The following ERC2 variants were observed in gnomAD, a reference collection of about 807,000 sequenced individuals.
ERC2 encodes the protein ELKS/RAB6-interacting/CAST family member 2.
Under a neutral mutation model 114.8 loss-of-function variants are expected in ERC2, and 42 were observed. The observed-to-expected ratio is 0.37, with a 90% confidence interval of 0.29 to 0.47. The LOEUF is 0.47. Ranked by LOEUF, ERC2 falls within the 20% of genes least tolerant of loss-of-function variation. The pLI, the probability that ERC2 is intolerant of heterozygous loss-of-function variation, is 0.99. For synonymous variants in ERC2, 454 were observed against 425.5 expected (o/e 1.07, Z -0.82); for missense variants, 939 against 1,150.7 (o/e 0.82, Z 2.66).
intron 1 of ERC2, among the ~76,000 whole-genome samples, chr3:56,455,238 T>A (rs2063011915): frequency 6.6e-6 from 1 of 150,536 alleles, no homozygotes; most frequent in Non-Finnish European, 1.5e-5. Flanking sequence ...AAAATAAAAA[T>A]AATTAAAATA....
At chr3:55,659,783 A>T (rs1489863990) in intron 17 of ERC2, among the ~76,000 whole-genome samples, 2 of 152,056 alleles carry the variant, frequency 1.3e-5, no homozygotes, top group Non-Finnish European at 2.9e-5. Context: ...TCAGATCTAC[A>T]TCATGACATC....
chr3:55,603,626 G>A (rs1283013439), intron 17 of ERC2, among the ~76,000 whole-genome samples: 8 of 148,570 alleles, frequency 5.4e-5, no homozygotes, highest in Non-Finnish European at 8.9e-5. Context: ...CCTGGGTGAC[G>A]GAGTGAGACT....
At chr3:56,359,187 G>A (rs2058854225) in intron 2 of ERC2, among the ~76,000 whole-genome samples, 1 of 152,170 alleles carries the variant, frequency 6.6e-6, no homozygotes, top group African/African-American at 2.4e-5. Context: ...GTCTATCACA[G>A]AACAACTGTC....
chr3:55,792,122 C>A (rs2070085529), intron 14 of ERC2, among the ~76,000 whole-genome samples: 2 of 152,178 alleles, frequency 1.3e-5, no homozygotes, highest in Admixed American at 1.3e-4. Flanking sequence ...CAGACTATAA[C>A]AGACTATAAT....
At chr3:55,737,299 G>A (rs2065694455) in intron 14 of ERC2, among the ~76,000 whole-genome samples, 2 of 152,314 alleles carry the variant, frequency 1.3e-5, no homozygotes, top group South Asian at 4.1e-4. Context: ...TTTTCCAGAA[G>A]AAAAGCAGTG....
intron 17 of ERC2, among the ~76,000 whole-genome samples, chr3:55,571,057 G>A (rs564288761): frequency 3.4e-5 from 5 of 148,088 alleles, no homozygotes; most frequent in African/African-American, 1.2e-4. Flanking sequence ...GAACCCAGGA[G>A]GTAGAGGTTG....
intron 10 of ERC2, among the ~76,000 whole-genome samples, chr3:56,004,983 TGG>T (rs1257808287): frequency 6.6e-6 from 1 of 151,806 alleles, no homozygotes; most frequent in Non-Finnish European, 1.5e-5. Flanking sequence ...TTTAAGGTGA[TGG>T]GTATTTGAGG....
At chr3:55,895,490 G>T (rs2063799314) in intron 13 of ERC2, among the ~76,000 whole-genome samples, 1 of 152,168 alleles carries the variant, frequency 6.6e-6, no homozygotes, top group African/African-American at 2.4e-5. Context: ...TACCCTGGAA[G>T]GCACCAGCAC....
At chr3:55,931,079 G>A (rs1379168539) in intron 13 of ERC2, among the ~76,000 whole-genome samples, 5 of 152,104 alleles carry the variant, frequency 3.3e-5, no homozygotes, top group Non-Finnish European at 7.4e-5. Context: ...TTAGAATGGC[G>A]ATCATTAAAA....
chr3:55,662,490 A>G (rs895500518), intron 17 of ERC2, among the ~76,000 whole-genome samples: 25 of 152,254 alleles, frequency 1.6e-4, no homozygotes, highest in Non-Finnish European at 1.5e-5. Flanking sequence ...GAATAATATA[A>G]TCTAATTTGT....
At chr3:56,057,548 A>T (rs930850954) in intron 7 of ERC2, among the ~76,000 whole-genome samples, 1 of 152,154 alleles carries the variant, frequency 6.6e-6, no homozygotes, top group Non-Finnish European at 1.5e-5. Context: ...CCTAAGATGT[A>T]CCTAAAATGC....
At chr3:55,871,551 G>T (rs956710391) in intron 14 of ERC2, among the ~76,000 whole-genome samples, 4 of 152,184 alleles carry the variant, frequency 2.6e-5, no homozygotes, top group Non-Finnish European at 5.9e-5. Flanking sequence ...TCTGAAAGTT[G>T]TTTCTTCAAA....
intron 7 of ERC2, among the ~76,000 whole-genome samples, chr3:56,056,662 C>T (rs965978027): frequency 3.3e-5 from 5 of 152,122 alleles, no homozygotes; most frequent in African/African-American, 4.8e-5. Context: ...AATAGCTGGA[C>T]GTTACTTAAT....
intron 15 of ERC2, among the ~76,000 whole-genome samples, chr3:55,733,417 T>TTC (rs527593786): frequency 0.027 from 3,752 of 141,478 alleles, 74 homozygotes; most frequent in Middle Eastern, 0.08. Context: ...CTGTCTCTCT[T>TTC]TCTCTCTCTC....
chr3:55,733,538 T>TCACACACACACA (rs1196908352), intron 15 of ERC2, among the ~76,000 whole-genome samples: 22 of 74,240 alleles, frequency 3.0e-4, no homozygotes, highest in Admixed American at 1.2e-3. Context: ...TCTTTCTCTC[T>TCACACACACACA]CTCTCACACA....
intron 2 of ERC2, among the ~76,000 whole-genome samples, chr3:56,366,688 T>G (rs147172712): frequency 6.6e-6 from 1 of 152,228 alleles, no homozygotes; most frequent in African/African-American, 2.4e-5. Flanking sequence ...CTATTTTGCA[T>G]TGTGCTGTCT....
Position 55,904,543 on chromosome 3 carries a change from T to A in ERC2, c.2404-15994A>T, listed in dbSNP as rs192482313. ...TTGCCAACCTCATTCTACCCCTTTTTGCTACAAACTTAATGTCCAGAAAGC... is the reference window on the plus strand; with the variant it reads ...TTGCCAACCTCATTCTACCCCTTTTAGCTACAAACTTAATGTCCAGAAAGC... On this transcript the variant is annotated intron_variant, in intron 13 of 17. Transcript: ENST00000288221. 8.9e-4 allele frequency among the ~76,000 whole-genome samples: 136 copies of A among 152,336 alleles called. 1 individual carries two copies. Among genetic ancestry groups the A allele is most frequent in the Admixed American group, 7.5e-3 (115 of 15,302 alleles).
Position 55,508,760 on chromosome 3 carries a change from G to A in ERC2, c.*2556C>T, listed in dbSNP as rs182951412. ...AAATGAAAGTTGACACGCTGTTAAC[G>A]TGCATACTGGATACACAAAAATCAT... is the stretch of plus-strand genomic sequence containing the variant. On this transcript the variant is annotated 3_prime_UTR_variant, in exon 18 of 18. Coordinates refer to ENST00000288221, the MANE Select transcript of ERC2 (RefSeq NM_015576.3). The A allele has an allele frequency of 1.1e-3, 162 of 152,482 alleles. 1 individual carries two copies. Among genetic ancestry groups the A allele is most frequent in the Non-Finnish European group, 5.3e-4 (36 of 67,996 alleles). The allele number at this position is 152,482 out of a possible 1,614,324, so 9.4% of individuals were successfully genotyped here.
chr3:55,975,023 C>G (rs1202440013), intron 12 of ERC2, among the ~76,000 whole-genome samples: 3 of 152,156 alleles, frequency 2.0e-5, no homozygotes, highest in Non-Finnish European at 4.4e-5. Context: ...GAATCAGACA[C>G]AGTGTTTATG....
Sources: allele counts gnomAD v4.1 joint callset (sites outside exome capture counted in the v4.1 genomes callset), GRCh38; gene constraint gnomAD v4.1.1; transcripts MANE v1.5; gene names NCBI Gene and HGNC (gene_info 2026-07-23, HGNC 2026-07-21).